Variants in RALGAPA1 observed in about 807,000 individuals in gnomAD.
The protein encoded by RALGAPA1 is ral GTPase-activating protein subunit alpha-1.
RALGAPA1 carries 52 observed loss-of-function variants against 269.6 expected under a neutral mutation model. That is an observed-to-expected ratio of 0.19 (90% CI 0.15 to 0.24). The LOEUF (loss-of-function observed/expected upper bound fraction) is 0.24. Ranked by LOEUF, RALGAPA1 falls within the 10% of genes least tolerant of loss-of-function variation. The pLI is 1.00. For synonymous variants in RALGAPA1, 817 were observed against 1,008.3 expected (o/e 0.81, Z 3.60); for missense variants, 1,917 against 3,013.9 (o/e 0.64, Z 8.52).
intron 17 of RALGAPA1, among the ~76,000 whole-genome samples, chr14:35,697,217 T>G (rs2140549977): frequency 6.6e-6 from 1 of 152,362 alleles, no homozygotes; most frequent in Non-Finnish European, 1.5e-5. Context: ...TAATCCTGCT[T>G]AATTTTCATA....
rs565910141 is a variant in RALGAPA1, at chr14:35,725,869, G to A, written c.1737-716C>T. On this transcript the variant is annotated intron_variant, in intron 13 of 41. Coordinates refer to ENST00000680220, the MANE Select transcript of RALGAPA1 (RefSeq NM_001346249.2). ...TGTTTCTTTCCACTCTTTTCATTAT[G>A]CAGTTTTTTAATCTTTTTTTGTCTG... Among the ~76,000 whole-genome samples, 10 of 152,204 alleles carry A rather than the reference G, an allele frequency of 6.6e-5. 1 individual carries two copies. In the East Asian group the frequency reaches 1.7e-3, roughly 26 times the overall value.
At chr14:35,557,094 A>ATGCATG (rs2055683450) in intron 39 of RALGAPA1, among the ~76,000 whole-genome samples, 1 of 78,948 alleles carries the variant, frequency 1.3e-5, no homozygotes, top group Non-Finnish European at 2.6e-5. Flanking sequence ...ATTATCCAAT[A>ATGCATG]TGTATGTGTG....
At chr14:35,625,256 C>A in intron 35 of RALGAPA1, 105 bp downstream of exon 35, 23 of 526,356 alleles carry the variant, frequency 4.4e-5, no homozygotes, top group East Asian at 1.8e-4. Flanking sequence ...AGTTATAAAT[C>A]AATAACACAG....
At chr14:35,716,018 T>C in intron 16 of RALGAPA1, 1 of 985,252 alleles carries the variant, frequency 1.0e-6, no homozygotes, top group Non-Finnish European at 1.2e-6. Flanking sequence ...ACTATGTTGC[T>C]GGCAATACGA....
At chr14:35,660,097 C>T (rs907105631) in intron 27 of RALGAPA1, among the ~76,000 whole-genome samples, 1 of 152,010 alleles carries the variant, frequency 6.6e-6, no homozygotes, top group African/African-American at 2.4e-5. Flanking sequence ...AAAGGTTTTA[C>T]TTTAAGATTA....
chr14:35,555,184 A>G (rs191560745), intron 39 of RALGAPA1, among the ~76,000 whole-genome samples: 35 of 152,358 alleles, frequency 2.3e-4, no homozygotes, highest in African/African-American at 7.9e-4. Context: ...AGAGAAAAGA[A>G]AACTGATAAT....
chr14:35,745,380 G>T (rs1202720846), intron 10 of RALGAPA1, among the ~76,000 whole-genome samples: 1 of 150,160 alleles, frequency 6.7e-6, no homozygotes, highest in Non-Finnish European at 1.5e-5. Flanking sequence ...ATAGAGCAAT[G>T]GAACAGACAG....
chr14:35,565,092 T>A (rs1014734692), intron 39 of RALGAPA1, among the ~76,000 whole-genome samples: 3 of 152,068 alleles, frequency 2.0e-5, no homozygotes, highest in Non-Finnish European at 4.4e-5. Flanking sequence ...TCAATAAATA[T>A]TTTTGAAGGA....
intron 38 of RALGAPA1, among the ~76,000 whole-genome samples, chr14:35,571,703 A>AACC (rs528167038): frequency 2.6e-4 from 40 of 151,496 alleles, no homozygotes; most frequent in South Asian, 6.3e-4. Context: ...ACCAAAACAA[A>AACC]ACCACCACCA....
At chr14:35,696,120 G>C (rs1385631885) in intron 17 of RALGAPA1, among the ~76,000 whole-genome samples, 1 of 152,194 alleles carries the variant, frequency 6.6e-6, no homozygotes, top group Non-Finnish European at 1.5e-5. Flanking sequence ...GGCTGGGTGT[G>C]GTGGCTCACG....
At chr14:35,705,615 G>T (rs2067736635) in intron 16 of RALGAPA1, among the ~76,000 whole-genome samples, 1 of 151,988 alleles carries the variant, frequency 6.6e-6, no homozygotes, top group Non-Finnish European at 1.5e-5. Context: ...AACTAAAGCT[G>T]CTATAAATAT....
At chr14:35,719,837 G>A (rs1428239426) in intron 16 of RALGAPA1, among the ~76,000 whole-genome samples, 1 of 151,844 alleles carries the variant, frequency 6.6e-6, no homozygotes, top group East Asian at 1.9e-4. Context: ...TGCAACCTCT[G>A]CCGCCTGGGT....
At chr14:35,563,880 C>T (rs1312638619) in intron 39 of RALGAPA1, among the ~76,000 whole-genome samples, 2 of 151,990 alleles carry the variant, frequency 1.3e-5, no homozygotes, top group East Asian at 1.9e-4. Flanking sequence ...GGTATGATCT[C>T]GGCTCAGTGC....
intron 4 of RALGAPA1, among the ~76,000 whole-genome samples, chr14:35,768,685 T>C (rs116430039): frequency 0.022 from 3,377 of 151,496 alleles, 125 homozygotes; most frequent in South Asian, 0.14. Flanking sequence ...CTGAATAAGA[T>C]CCTGTCTCTT....
At chr14:35,745,045 C>T (rs1462496294) in intron 10 of RALGAPA1, among the ~76,000 whole-genome samples, 3 of 152,174 alleles carry the variant, frequency 2.0e-5, no homozygotes, top group East Asian at 3.8e-4. Flanking sequence ...AGACCAGAGA[C>T]CTATGTCCTT....
At chr14:35,782,087 C>T (rs1417459588) in intron 1 of RALGAPA1, among the ~76,000 whole-genome samples, 4 of 152,064 alleles carry the variant, frequency 2.6e-5, no homozygotes, top group African/African-American at 7.2e-5. Context: ...CCTAAGGAAT[C>T]CACCAAAAAA....
At chr14:35,799,180 G>A (rs559173702) in intron 1 of RALGAPA1, among the ~76,000 whole-genome samples, 1 of 152,258 alleles carries the variant, frequency 6.6e-6, no homozygotes, top group South Asian at 2.1e-4. Flanking sequence ...GTTGGGTGAA[G>A]AAATGGAAGT....
intron 1 of RALGAPA1, among the ~76,000 whole-genome samples, chr14:35,801,638 T>G (rs747482226): frequency 6.6e-6 from 1 of 152,136 alleles, no homozygotes; most frequent in Admixed American, 6.6e-5. Flanking sequence ...ATTTGACAAC[T>G]TAGATGAAAT....
intron 3 of RALGAPA1, among the ~76,000 whole-genome samples, chr14:35,774,329 G>C (rs1457904432): frequency 6.6e-6 from 1 of 152,088 alleles, no homozygotes; most frequent in African/African-American, 2.4e-5. Context: ...GAAATTCTCA[G>C]TGAAGATCAG....
Sources: allele counts gnomAD v4.1 joint callset (sites outside exome capture counted in the v4.1 genomes callset), GRCh38; gene constraint gnomAD v4.1.1; transcripts MANE v1.5; gene names NCBI Gene and HGNC (gene_info 2026-07-23, HGNC 2026-07-21).